The following RGS6 variants were observed in gnomAD, a reference collection of about 807,000 sequenced individuals.
RGS6 encodes regulator of G protein signaling 6.
Under a neutral mutation model 78.5 loss-of-function variants are expected in RGS6, and 30 were observed. The ratio of observed to expected loss-of-function variants is 0.38; its 90% confidence interval spans 0.29 to 0.52. The LOEUF (loss-of-function observed/expected upper bound fraction) is 0.52. RGS6 is among the 20% of genes least tolerant of loss of function. The probability of loss-of-function intolerance (pLI) is 0.85; values close to 1 mark genes in which losing one functional copy is unlikely to be tolerated. For synonymous variants in RGS6, 206 were observed against 206.0 expected (o/e 1.00, Z 0.00); for missense variants, 495 against 609.7 (o/e 0.81, Z 1.98).
intron 2 of RGS6, among the ~76,000 whole-genome samples, chr14:72,112,803 G>A (rs1417996140): frequency 7.9e-5 from 12 of 152,106 alleles, no homozygotes; most frequent in African/African-American, 2.9e-4. Context: ...CTGGTCTTGG[G>A]CATCTGACTG....
chr14:71,992,873 T>C (rs1452162824), intron 2 of RGS6, among the ~76,000 whole-genome samples: 2 of 151,316 alleles, frequency 1.3e-5, no homozygotes, highest in Non-Finnish European at 2.9e-5. Flanking sequence ...CATCTTTTTT[T>C]ATCTTATGAA....
intron 2 of RGS6, among the ~76,000 whole-genome samples, chr14:72,036,377 G>A (rs1335626001): frequency 6.6e-6 from 1 of 151,892 alleles, no homozygotes; most frequent in Non-Finnish European, 1.5e-5. Flanking sequence ...TACAGGTTTT[G>A]GGGTACAGAT....
chr14:72,542,383 C>G (rs2097338528), intron 17 of RGS6, among the ~76,000 whole-genome samples: 1 of 152,230 alleles, frequency 6.6e-6, no homozygotes, highest in Non-Finnish European at 1.5e-5. Flanking sequence ...ACTGATCAAC[C>G]AATATGCCTT....
At chr14:71,983,726 C>A (rs976860079) in intron 2 of RGS6, among the ~76,000 whole-genome samples, 2 of 152,178 alleles carry the variant, frequency 1.3e-5, no homozygotes, top group South Asian at 4.1e-4. Context: ...CCTACATCCC[C>A]ATACCCCCAA....
At chr14:72,345,044 C>T (rs1278152966) in intron 2 of RGS6, among the ~76,000 whole-genome samples, 1 of 152,164 alleles carries the variant, frequency 6.6e-6, no homozygotes, top group East Asian at 1.9e-4. Context: ...CTGTGCAGCT[C>T]AGTGTAGTCA....
intron 3 of RGS6, among the ~76,000 whole-genome samples, chr14:72,374,253 C>T (rs1381989617): frequency 2.7e-5 from 4 of 149,916 alleles, no homozygotes; most frequent in East Asian, 2.0e-4. Context: ...CCCCACCCCA[C>T]GACAGGCCGT....
intron 2 of RGS6, among the ~76,000 whole-genome samples, chr14:72,228,306 A>AGGAGGT (rs1416156276): frequency 6.6e-6 from 1 of 152,064 alleles, no homozygotes; most frequent in Non-Finnish European, 1.5e-5. Flanking sequence ...CCTTGAACCC[A>AGGAGGT]GGAGGTGGAG....
At chr14:72,215,863 A>G (rs1366136707) in intron 2 of RGS6, among the ~76,000 whole-genome samples, 1 of 152,244 alleles carries the variant, frequency 6.6e-6, no homozygotes, top group African/African-American at 2.4e-5. Context: ...TAAGAATGTT[A>G]GCACAGGTCT....
chr14:72,212,234 A>G (rs938064535), intron 2 of RGS6, among the ~76,000 whole-genome samples: 3 of 152,206 alleles, frequency 2.0e-5, no homozygotes, highest in African/African-American at 4.8e-5. Context: ...CTTCTAAGAC[A>G]TGAAGCACTG....
At chr14:72,347,791 A>G (rs2078339218) in intron 2 of RGS6, among the ~76,000 whole-genome samples, 1 of 152,224 alleles carries the variant, frequency 6.6e-6, no homozygotes, top group Admixed American at 6.5e-5. Context: ...TTAATCAACT[A>G]CTAAGGCCAT....
At position 72,562,643 on chromosome 14, in the gene RGS6, A is replaced by C; in HGVS notation, c.*176A>C. ...TCGGTGGGTGAATGGGGAGACCAGA[A>C]AGAAAGAGTCCACAGAGCCTGGGCT... is the stretch of plus-strand genomic sequence containing the variant. On this transcript the variant is annotated 3_prime_UTR_variant, in exon 18 of 18. Coordinates refer to ENST00000553525, the MANE Select transcript of RGS6 (RefSeq NM_001204424.2). 1 of 1,535,654 alleles carries C rather than the reference A, an allele frequency of 6.5e-7. No homozygotes were observed. The highest frequency in any genetic ancestry group is 8.7e-7 in the Non-Finnish European group (1 of 1,146,706).
chr14:72,236,250 CTGTT>C (rs1408075131), intron 2 of RGS6, among the ~76,000 whole-genome samples: 1 of 152,210 alleles, frequency 6.6e-6, no homozygotes, highest in East Asian at 1.9e-4. Context: ...ATGTTTTCCT[CTGTT>C]TGCTTCATCA....
intron 3 of RGS6, among the ~76,000 whole-genome samples, chr14:72,366,878 T>C (rs1290850710): frequency 6.6e-6 from 1 of 152,198 alleles, no homozygotes; most frequent in Non-Finnish European, 1.5e-5. Flanking sequence ...CCAGCTGTCA[T>C]AGACAGTCAT....
intron 2 of RGS6, among the ~76,000 whole-genome samples, chr14:71,992,354 A>G (rs4902964): frequency 0.45 from 67,937 of 152,090 alleles, 15,599 homozygotes; most frequent in East Asian, 0.54. Flanking sequence ...TAATGCCTAA[A>G]TAGTGTTCTA....
chr14:72,417,052 G>A (rs1157099976), intron 3 of RGS6, among the ~76,000 whole-genome samples: 1 of 152,126 alleles, frequency 6.6e-6, no homozygotes, highest in Non-Finnish European at 1.5e-5. Flanking sequence ...TGCCACCACA[G>A]GCAGGTCAGT....
the RGS6 span, among the ~76,000 whole-genome samples, chr14:71,872,431 C>T: frequency 1.3e-5 from 2 of 152,034 alleles, no homozygotes; most frequent in Non-Finnish European, 2.9e-5. Context: ...TCTTTTCTGC[C>T]CTTGGAACTT....
At chr14:72,164,701 C>T (rs1239521080) in intron 2 of RGS6, among the ~76,000 whole-genome samples, 2 of 152,118 alleles carry the variant, frequency 1.3e-5, no homozygotes, top group Non-Finnish European at 2.9e-5. Flanking sequence ...TGACTTTGCC[C>T]TCCCCTCCCC....
chr14:71,903,749 G>A, the RGS6 span, among the ~76,000 whole-genome samples: 1 of 152,322 alleles, frequency 6.6e-6, no homozygotes, highest in Non-Finnish European at 1.5e-5. Flanking sequence ...AATATAGTGA[G>A]ACTGTCATTG....
At chr14:72,257,471 G>A (rs1250208396) in intron 2 of RGS6, among the ~76,000 whole-genome samples, 3 of 152,126 alleles carry the variant, frequency 2.0e-5, no homozygotes, top group African/African-American at 7.2e-5. Context: ...AAGTATAAGA[G>A]CATGTCACTG....
Sources: allele counts gnomAD v4.1 joint callset (sites outside exome capture counted in the v4.1 genomes callset), GRCh38; gene constraint gnomAD v4.1.1; transcripts MANE v1.5; gene names NCBI Gene and HGNC (gene_info 2026-07-23, HGNC 2026-07-21).